CHST2: variants seen among roughly 807,000 people sequenced by gnomAD.
CHST2 encodes N-acetylglucosamine 6-O-sulfotransferase 1.
CHST2 carries 23 observed loss-of-function variants against 34.6 expected under a neutral mutation model. The ratio of observed to expected loss-of-function variants is 0.67; its 90% confidence interval spans 0.48 to 0.94. The LOEUF (loss-of-function observed/expected upper bound fraction) is 0.94. Ranked by LOEUF, CHST2 falls within the 40% of genes least tolerant of loss-of-function variation. CHST2 has a pLI of 0.00. For synonymous variants in CHST2, 392 were observed against 343.1 expected, an observed-to-expected ratio of 1.14 and a Z score of -1.58; for missense variants, 720 against 759.5, an observed-to-expected ratio of 0.95 and a Z score of 0.61.
In CHST2 at chr3:143,120,578, T is replaced by G; in HGVS notation, c.-174+37T>G. ...AACCGGGCAGAACCGAGGGTGGGCG[T>G]TACTTAGGAGGAGGAGGCTGGGAGG... On this transcript the variant is annotated intron_variant, in intron 1 of 1. Coordinates refer to ENST00000309575, the MANE Select transcript of CHST2 (RefSeq NM_004267.5). This position sits in a 1 kb window ranked among gnomAD's most constrained non-coding sequence, Gnocchi z 4.1. The G allele has an allele frequency of 7.5e-6, 2 of 267,752 alleles. No homozygotes were observed. Among genetic ancestry groups the G allele is most frequent in the Non-Finnish European group, 1.4e-5 (2 of 146,304 alleles). The allele number at this position is 267,752 out of a possible 1,614,324, so 16.6% of individuals were successfully genotyped here.
In CHST2 at chr3:143,120,699, C is replaced by G. The variant is rs922996768; in HGVS notation, c.-118C>G. 7 of 1,005,012 alleles carry G rather than the reference C, an allele frequency of 7.0e-6. No individual in the cohort carries two copies. In the African/African-American group the frequency reaches 1.2e-4, roughly 17 times the overall value. The allele number at this position is 1,005,012 out of a possible 1,614,324, so 62.3% of individuals were successfully genotyped here. A position where few individuals can be genotyped will look rare whatever the true frequency, so the allele number is the denominator to read the frequency against. On this transcript the variant is annotated 5_prime_UTR_variant, in exon 2 of 2. Transcript: ENST00000309575. The surrounding 1 kb of genome is among the most constrained non-coding windows in gnomAD (Gnocchi z 4.1). ...CCAGCCTTGGGCGCTGGGGACCAGCCGCCGCGCCCGCCTCGGAGTCGCGGC... is the reference window on the plus strand; with the variant it reads ...CCAGCCTTGGGCGCTGGGGACCAGCGGCCGCGCCCGCCTCGGAGTCGCGGC...
At position 143,120,755 on chromosome 3, in the gene CHST2, G is replaced by A; in HGVS notation, c.-62G>A. ...TCCCGGCGCCAGCAGCCAGCCCGCT[G>A]CGTCCCCTTCCCGGGCTGCAGGGCT... On this transcript the variant is annotated 5_prime_UTR_variant, in exon 2 of 2. Coordinates refer to ENST00000309575, the MANE Select transcript of CHST2 (RefSeq NM_004267.5). This position sits in a 1 kb window ranked among gnomAD's most constrained non-coding sequence, Gnocchi z 4.1. 1 of 1,196,088 alleles carries A rather than the reference G, an allele frequency of 8.4e-7. No homozygotes were observed. 74.1% of individuals were successfully genotyped at this position (1,196,088 alleles called of 1,614,324 possible).
At position 143,121,950 on chromosome 3, in the gene CHST2, C is replaced by T. The variant is rs141488765; in HGVS notation, c.1134C>T (p.Ala378=). 1.3e-6 allele frequency: 2 copies of T among 1,581,118 alleles called. No individual in the cohort carries two copies. The highest frequency in any genetic ancestry group is 1.7e-6 in the Non-Finnish European group (2 of 1,163,808). The change falls in exon 2 of 2, where the codon GCC becomes GCT. Residue 378 remains alanine (A), a synonymous_variant. Coordinates refer to ENST00000309575, the MANE Select transcript of CHST2 (RefSeq NM_004267.5). ...FLEAAGHKLG[A]KKEGVGGPAD... ...AGGCCGCGGGCCACAAGCTTGGCGCCAAGAAGGAGGGCGTGGGCGGCCCCG... is the reference window on the plus strand; with the variant it reads ...AGGCCGCGGGCCACAAGCTTGGCGCTAAGAAGGAGGGCGTGGGCGGCCCCG...
rs529107341 is a variant in CHST2 at position 143,122,676 on chromosome 3, T to G, written c.*267T>G. On this transcript the variant is annotated 3_prime_UTR_variant, in exon 2 of 2. Coordinates refer to ENST00000309575, the MANE Select transcript of CHST2 (RefSeq NM_004267.5). ...CTTCTTTGCCTTCTCTTGTCCTCTT[T>G]CTCCTATTTCTTACCCTGTCCTCCA... The G allele has an allele frequency of 2.9e-6, 1 of 343,118 alleles. No homozygotes were observed. Among genetic ancestry groups the G allele is most frequent in the East Asian group, 5.0e-5 (1 of 20,112 alleles). 21.3% of individuals were successfully genotyped at this position (343,118 alleles called of 1,614,324 possible). A position where few individuals can be genotyped will look rare whatever the true frequency, so the allele number is the denominator to read the frequency against.
In CHST2 at chr3:143,122,674, T is replaced by G; in HGVS notation, c.*265T>G. On this transcript the variant is annotated 3_prime_UTR_variant, in exon 2 of 2. Coordinates refer to ENST00000309575, the MANE Select transcript of CHST2 (RefSeq NM_004267.5). ...TTCTTCTTTGCCTTCTCTTGTCCTC[T>G]TTCTCCTATTTCTTACCCTGTCCTC... 2.9e-6 allele frequency: 1 copy of G among 344,054 alleles called. No homozygotes were observed. The highest frequency in any genetic ancestry group is 5.5e-6 in the Non-Finnish European group (1 of 182,738). The allele number at this position is 344,054 out of a possible 1,614,324, so 21.3% of individuals were successfully genotyped here.
At position 143,121,416 on chromosome 3, in the gene CHST2, A is replaced by T. The variant is rs1369070375; in HGVS notation, c.600A>T (p.Val200=). Residue 200 remains valine, a synonymous_variant, in exon 2 of 2, where the codon GTA becomes GTT. Transcript: ENST00000309575. The stretch of plus-strand genomic sequence containing the variant: ...TTCTCTACGAGCCAGTGTGGCATGT[A>T]TGGCAAAAACTGTATCCGGGGGACG... ...VFFLYEPVWH[V]WQKLYPGDAV... 1 of 1,613,892 alleles carries T rather than the reference A, an allele frequency of 6.2e-7. No individual in the cohort carries two copies. Among genetic ancestry groups the T allele is most frequent in the Non-Finnish European group, 8.5e-7 (1 of 1,180,010 alleles).
Position 143,122,267 on chromosome 3 carries a change from G to C in CHST2, c.1451G>C (p.Arg484Pro). Reference sequence around the variant, plus strand: ...GCCACGCAGGCCGCCAATGCCTGGCGGACCGCCCTCACCTTCCAGCAGATC... The same window carrying C: ...GCCACGCAGGCCGCCAATGCCTGGCCGACCGCCCTCACCTTCCAGCAGATC... ...RNATQAANAWRTALTFQQIKQ... is the reference protein window; with the variant it reads ...RNATQAANAWPTALTFQQIKQ... The change falls in exon 2 of 2, where the codon CGG (arginine) becomes CCG (proline). Residue 484 changes from arginine to proline, a missense_variant. Arg to Pro is a moderately radical substitution (Grantham distance 103). Coordinates refer to ENST00000309575, the MANE Select transcript of CHST2 (RefSeq NM_004267.5). The C allele has an allele frequency of 6.2e-7, 1 of 1,614,106 alleles. No individual in the cohort carries two copies. Among genetic ancestry groups the C allele is most frequent in the Admixed American group, 1.7e-5 (1 of 60,022 alleles).
chr3:143,122,032 C>T lies in CHST2; in HGVS notation c.1216C>T (p.Leu406=), dbSNP rs761694224. 2 of 1,613,218 alleles carry T rather than the reference C, an allele frequency of 1.2e-6. No homozygotes were observed. Among genetic ancestry groups the T allele is most frequent in the Non-Finnish European group, 8.5e-7 (1 of 1,179,770 alleles). ...EVICNSMAKT[L]QTALQPPDWL... ...CATCTGCAATAGTATGGCTAAGACG[C>T]TGCAGACAGCCCTGCAGCCCCCTGA... is the stretch of plus-strand genomic sequence containing the variant. Residue 406 remains leucine (L), a synonymous_variant, in exon 2 of 2, where the codon CTG becomes TTG. Transcript: ENST00000309575.
Position 143,120,457 on chromosome 3 carries a change from G to A in CHST2, c.-258G>A, listed in dbSNP as rs972727576. 6 of 170,374 alleles carry A rather than the reference G, an allele frequency of 3.5e-5. No homozygotes were observed. Among genetic ancestry groups the A allele is most frequent in the Non-Finnish European group, 5.0e-5 (4 of 79,926 alleles). 10.6% of individuals were successfully genotyped at this position (170,374 alleles called of 1,614,324 possible). ...CGGGGACCCCCAGCGGAAGCGAGAG[G>A]GAGCGAAATCGAGGAACGAGTGACA... is the stretch of plus-strand genomic sequence containing the variant. On this transcript the variant is annotated 5_prime_UTR_variant, in exon 1 of 2. Coordinates refer to ENST00000309575, the MANE Select transcript of CHST2 (RefSeq NM_004267.5). The surrounding 1 kb of genome is among the most constrained non-coding windows in gnomAD (Gnocchi z 4.1).
chr3:143,121,802 A>C lies in CHST2; in HGVS notation c.986A>C (p.His329Pro). The C allele has an allele frequency of 6.2e-7, 1 of 1,606,104 alleles. No homozygotes were observed. Among genetic ancestry groups the C allele is most frequent in the Non-Finnish European group, 8.5e-7 (1 of 1,175,936 alleles). The part of the protein sequence containing the change: ...RDPALDLKVI[H>P]LVRDPRAVAS... ...CCGGCCCTGGACCTCAAGGTCATCCACTTGGTGCGTGATCCCCGCGCGGTG... is the reference window on the plus strand; with the variant it reads ...CCGGCCCTGGACCTCAAGGTCATCCCCTTGGTGCGTGATCCCCGCGCGGTG... The change falls in exon 2 of 2, where the codon CAC becomes CCC. Residue 329 changes from histidine (H) to proline (P), a missense_variant. By Grantham distance (77) the His-to-Pro change is moderately conservative. This residue lies in a region of CHST2 where 166 missense variants were observed against 211.4 expected (regional missense o/e 0.79). Transcript: ENST00000309575.
chr3:143,121,446 T>G lies in CHST2; in HGVS notation c.630T>G (p.Val210=). ...VWQKLYPGDA[V]SLQGAARDML... ...AAAAACTGTATCCGGGGGACGCCGT[T>G]TCCCTGCAGGGGGCAGCGCGGGACA... is the stretch of plus-strand genomic sequence containing the variant. Residue 210 remains valine (V), a synonymous_variant, in exon 2 of 2, where the codon GTT becomes GTG. Coordinates refer to ENST00000309575, the MANE Select transcript of CHST2 (RefSeq NM_004267.5). The G allele has an allele frequency of 6.2e-7, 1 of 1,613,510 alleles. No homozygotes were observed. The highest frequency in any genetic ancestry group is 8.5e-7 in the Non-Finnish European group (1 of 1,179,964).
At position 143,122,575 on chromosome 3, in the gene CHST2, A is replaced by G; in HGVS notation, c.*166A>G. The stretch of plus-strand genomic sequence containing the variant: ...TGCTGTCAATGTTTTGAGTCAGTGC[A>G]TTTCAAGGAACAGCCACAAAATACA... On this transcript the variant is annotated 3_prime_UTR_variant, in exon 2 of 2. Coordinates refer to ENST00000309575, the MANE Select transcript of CHST2 (RefSeq NM_004267.5). 4 of 714,238 alleles carry G rather than the reference A, an allele frequency of 5.6e-6. No individual in the cohort carries two copies. The highest frequency in any genetic ancestry group is 8.5e-6 in the Non-Finnish European group (4 of 468,106). 44.2% of individuals were successfully genotyped at this position (714,238 alleles called of 1,614,324 possible). A position where few individuals can be genotyped will look rare whatever the true frequency, so the allele number is the denominator to read the frequency against.
rs866607231 is a variant in CHST2 at position 143,120,467 on chromosome 3, C to T, written c.-248C>T. On this transcript the variant is annotated 5_prime_UTR_variant, in exon 1 of 2. Coordinates refer to ENST00000309575, the MANE Select transcript of CHST2 (RefSeq NM_004267.5). This position sits in a 1 kb window ranked among gnomAD's most constrained non-coding sequence, Gnocchi z 4.1. ...CAGCGGAAGCGAGAGGGAGCGAAAT[C>T]GAGGAACGAGTGACAGCCGGACAGT... The T allele has an allele frequency of 5.6e-6, 1 of 177,052 alleles. No homozygotes were observed. Among genetic ancestry groups the T allele is most frequent in the Non-Finnish European group, 1.2e-5 (1 of 84,330 alleles). 11.0% of individuals were successfully genotyped at this position (177,052 alleles called of 1,614,324 possible).
At position 143,119,987 on chromosome 3, in the gene CHST2, G is replaced by C. The variant is rs1451969744; in HGVS notation, c.-728G>C. 6.6e-6 allele frequency: 1 copy of C among 152,586 alleles called. No individual in the cohort carries two copies. The highest frequency in any genetic ancestry group is 2.4e-5 in the African/African-American group (1 of 41,434). 9.5% of individuals were successfully genotyped at this position (152,586 alleles called of 1,614,324 possible). A position where few individuals can be genotyped will look rare whatever the true frequency, so the allele number is the denominator to read the frequency against. On this transcript the variant is annotated 5_prime_UTR_variant, in exon 1 of 2. Transcript: ENST00000309575. The stretch of plus-strand genomic sequence containing the variant: ...TTTCCTTGCCTAGAGCTGTGTGTTC[G>C]GGGTCCTTTGGTCCAGTCGGAGGCT...
rs1228990037 is a variant in CHST2 at position 143,123,906 on chromosome 3, G to GA, written c.*1500dup. On this transcript the variant is annotated 3_prime_UTR_variant, in exon 2 of 2. Coordinates refer to ENST00000309575, the MANE Select transcript of CHST2 (RefSeq NM_004267.5). Reference sequence around the variant, plus strand: ...TTGTGTCCTGAACCCATTTGGTACTGAAACATTCTGCAGAATGTTATACTA... The same window carrying GA: ...TTGTGTCCTGAACCCATTTGGTACTGAAAACATTCTGCAGAATGTTATACTA... 2.6e-5 allele frequency: 4 copies of GA among 152,208 alleles called. No individual in the cohort carries two copies. The highest frequency in any genetic ancestry group is 6.5e-5 in the Admixed American group (1 of 15,290). 9.4% of individuals were successfully genotyped at this position (152,208 alleles called of 1,614,324 possible). A position where few individuals can be genotyped will look rare whatever the true frequency, so the allele number is the denominator to read the frequency against.
At position 143,123,767 on chromosome 3, in the gene CHST2, A is replaced by G. The variant is rs757338244; in HGVS notation, c.*1358A>G. 1 of 152,234 alleles carries G rather than the reference A, an allele frequency of 6.6e-6. No homozygotes were observed. Among genetic ancestry groups the G allele is most frequent in the South Asian group, 2.1e-4 (1 of 4,834 alleles). 9.4% of individuals were successfully genotyped at this position (152,234 alleles called of 1,614,324 possible). A position where few individuals can be genotyped will look rare whatever the true frequency, so the allele number is the denominator to read the frequency against. ...GGCTTCAGCCAAGAGCTTCTTTTAG[A>G]TATGATAATGAATTGTGGTAAAGAG... On this transcript the variant is annotated 3_prime_UTR_variant, in exon 2 of 2. Transcript: ENST00000309575.
chr3:143,123,588 C>T lies in CHST2; in HGVS notation c.*1179C>T, dbSNP rs1306545784. 1 of 152,144 alleles carries T rather than the reference C, an allele frequency of 6.6e-6. No homozygotes were observed. Among genetic ancestry groups the T allele is most frequent in the Admixed American group, 6.5e-5 (1 of 15,280 alleles). 9.4% of individuals were successfully genotyped at this position (152,144 alleles called of 1,614,324 possible). ...TTCATCTGAGAACCGTAAGGGTTTT[C>T]CCTTTTCTTACTTGCTTCCCATTTA... is the stretch of plus-strand genomic sequence containing the variant. On this transcript the variant is annotated 3_prime_UTR_variant, in exon 2 of 2. Transcript: ENST00000309575.
At position 143,122,004 on chromosome 3, in the gene CHST2, G is replaced by A. The variant is rs749629845; in HGVS notation, c.1188G>A (p.Glu396=). The stretch of plus-strand genomic sequence containing the variant: ...ACTACCACGCTCTGGGCGCTATGGA[G>A]GTCATCTGCAATAGTATGGCTAAGA... ...PADYHALGAM[E]VICNSMAKTL... Residue 396 remains glutamate (E), a synonymous_variant, in exon 2 of 2, where the codon GAG becomes GAA. Coordinates refer to ENST00000309575, the MANE Select transcript of CHST2 (RefSeq NM_004267.5). 3 of 1,608,674 alleles carry A rather than the reference G, an allele frequency of 1.9e-6. No individual in the cohort carries two copies. The highest frequency in any genetic ancestry group is 1.3e-5 in the African/African-American group (1 of 74,648).
In CHST2 at chr3:143,122,012, G is replaced by A; in HGVS notation, c.1196G>A (p.Cys399Tyr). Residue 399 changes from cysteine to tyrosine, a missense_variant, in exon 2 of 2, where the codon TGC becomes TAC. Physicochemically the swap from Cys to Tyr is radical, Grantham distance 194 (BLOSUM62 -2). This residue lies in a region of CHST2 where 224 missense variants were observed against 227.8 expected (regional missense o/e 0.98). Coordinates refer to ENST00000309575, the MANE Select transcript of CHST2 (RefSeq NM_004267.5). ...YHALGAMEVI[C>Y]NSMAKTLQTA... ...GCTCTGGGCGCTATGGAGGTCATCT[G>A]CAATAGTATGGCTAAGACGCTGCAG... is the stretch of plus-strand genomic sequence containing the variant. The A allele has an allele frequency of 6.2e-7, 1 of 1,609,830 alleles. No homozygotes were observed. The highest frequency in any genetic ancestry group is 8.5e-7 in the Non-Finnish European group (1 of 1,178,746).
Sources: gnomAD v4.1 joint callset for allele counts on GRCh38, gnomAD v4.1.1 for gene constraint, gnomAD v4.1.1 regional missense constraint, Gnocchi (gnomAD v3.1) non-coding constraint, MANE v1.5 for transcripts, NCBI Gene and HGNC (gene_info 2026-07-23, HGNC 2026-07-21) for gene names.